PRRX1: variants seen among roughly 807,000 people sequenced by gnomAD.
PRRX1 encodes the protein paired mesoderm homeobox protein 1.
In PRRX1, 8 loss-of-function variants were observed where a neutral mutation model predicts 24.0. The observed-to-expected ratio is 0.33, with a 90% CI of 0.20 to 0.60. PRRX1 has a LOEUF of 0.60. Ranked by LOEUF, PRRX1 falls within the 20% of genes least tolerant of loss-of-function variation. The probability of loss-of-function intolerance (pLI) is 0.82; values close to 1 mark genes in which losing one functional copy is unlikely to be tolerated. For missense variants in PRRX1, 281 were observed against 322.4 expected, an observed-to-expected ratio of 0.87 and a Z score of 0.98; for synonymous variants, 160 against 131.7, an observed-to-expected ratio of 1.22 and a Z score of -1.47.
intron 1 of PRRX1, among the ~76,000 whole-genome samples, chr1:170,703,592 T>C (rs905594182): frequency 1.4e-5 from 2 of 142,942 alleles, no homozygotes; most frequent in African/African-American, 4.9e-5. Flanking sequence ...CATTATATAA[T>C]AGTGTTTTTT....
At chr1:170,667,390 T>C (rs1652976884) in intron 1 of PRRX1, 1 of 152,276 alleles carries the variant, frequency 6.6e-6, no homozygotes, top group African/African-American at 2.4e-5. Flanking sequence ...GAATAGTTTG[T>C]TGCTTTTATA....
chr1:170,738,336 C>G lies in PRRX1; in HGVS notation c.*2150C>G, dbSNP rs550398418. The G allele has an allele frequency of 6.6e-4, 149 of 224,926 alleles. No individual in the cohort carries two copies. In the Middle Eastern group the frequency reaches 0.011, roughly 16 times the overall value. The allele number at this position is 224,926 out of a possible 1,614,324, so 13.9% of individuals were successfully genotyped here. A position where few individuals can be genotyped will look rare whatever the true frequency, so the allele number is the denominator to read the frequency against. Reference sequence around the variant, plus strand: ...CAGCCACCAATCTGAAATTGTATTTCAAATGTTGATTCTGTAGTTCTTTAA... The same window carrying G: ...CAGCCACCAATCTGAAATTGTATTTGAAATGTTGATTCTGTAGTTCTTTAA... On this transcript the variant is annotated 3_prime_UTR_variant, in exon 4 of 4. Transcript: ENST00000239461.
intron 1 of PRRX1, among the ~76,000 whole-genome samples, chr1:170,703,556 T>C (rs922811611): frequency 1.3e-5 from 2 of 152,230 alleles, no homozygotes; most frequent in Non-Finnish European, 2.9e-5. Flanking sequence ...ATTGTCTCTG[T>C]CTTCACAGAG....
chr1:170,674,660 A>T (rs549420570), intron 1 of PRRX1, among the ~76,000 whole-genome samples: 14 of 145,944 alleles, frequency 9.6e-5, no homozygotes, highest in South Asian at 2.2e-4. Flanking sequence ...CAGTAAGCAA[A>T]TTTTTTTTTT....
At chr1:170,697,919 A>C (rs1654227240) in intron 1 of PRRX1, among the ~76,000 whole-genome samples, 1 of 150,654 alleles carries the variant, frequency 6.6e-6, no homozygotes, top group Middle Eastern at 3.2e-3. Context: ...CTTTTGTATT[A>C]TTAAAAGGCC....
In PRRX1 at chr1:170,736,322, G is replaced by T; in HGVS notation, c.*136G>T. ...AAACAAAGCAGAACTAAAATATTGG[G>T]ACCATGGCAGAGAAAAGCAGGAGAG... On this transcript the variant is annotated 3_prime_UTR_variant, in exon 4 of 4. Transcript: ENST00000239461. 1 of 1,244,894 alleles carries T rather than the reference G, an allele frequency of 8.0e-7. No individual in the cohort carries two copies. The highest frequency in any genetic ancestry group is 1.1e-6 in the Non-Finnish European group (1 of 887,986). The allele number at this position is 1,244,894 out of a possible 1,614,324, so 77.1% of individuals were successfully genotyped here.
At position 170,702,119 on chromosome 1, in the gene PRRX1, G is replaced by C. The variant is rs561260282; in HGVS notation, c.242-17607G>C. ...GCAACCTAGATCCCGCGCATGCGCAGTTCACAATAGGGTTTCTACTCGTAT... is the reference window on the plus strand; with the variant it reads ...GCAACCTAGATCCCGCGCATGCGCACTTCACAATAGGGTTTCTACTCGTAT... On this transcript the variant is annotated intron_variant, in intron 1 of 3. Coordinates refer to ENST00000239461, the MANE Select transcript of PRRX1 (RefSeq NM_022716.4). Among the ~76,000 whole-genome samples, 19 of 152,310 alleles carry C rather than the reference G, an allele frequency of 1.2e-4. No homozygotes were observed. In the South Asian group the frequency reaches 3.9e-3, roughly 32 times the overall value.
chr1:170,728,377 T>C (rs1655321514), intron 3 of PRRX1: 1 of 152,236 alleles, frequency 6.6e-6, no homozygotes, highest in Admixed American at 6.5e-5. Context: ...TATGTAGAAA[T>C]ACTGGATACA....
chr1:170,708,939 G>A (rs1282264706), intron 1 of PRRX1, among the ~76,000 whole-genome samples: 2 of 152,120 alleles, frequency 1.3e-5, no homozygotes, highest in Non-Finnish European at 2.9e-5. Flanking sequence ...GTGGCTGAGT[G>A]TGAATGGACC....
intron 1 of PRRX1, among the ~76,000 whole-genome samples, chr1:170,709,692 C>G (rs1310390131): frequency 1.3e-5 from 2 of 152,166 alleles, no homozygotes; most frequent in Non-Finnish European, 2.9e-5. Flanking sequence ...TCTCTCTACT[C>G]AGAGCATCTC....
chr1:170,677,874 C>A (rs1653374895), intron 1 of PRRX1, among the ~76,000 whole-genome samples: 1 of 152,164 alleles, frequency 6.6e-6, no homozygotes, highest in African/African-American at 2.4e-5. Context: ...GAAGACAAAT[C>A]CCCTTTCCTC....
chr1:170,724,496 G>T (rs541740505), intron 2 of PRRX1, among the ~76,000 whole-genome samples: 1 of 152,014 alleles, frequency 6.6e-6, no homozygotes, highest in South Asian at 2.1e-4. Flanking sequence ...TCAGTTTTCC[G>T]CATATGGCTA....
intron 3 of PRRX1, chr1:170,730,299 T>C: frequency 6.2e-7 from 1 of 1,612,172 alleles, no homozygotes; most frequent in Non-Finnish European, 8.5e-7. Flanking sequence ...CCCAAGATGT[T>C]GTTTACACGA....
At chr1:170,687,394 C>T (rs189667557) in intron 1 of PRRX1, among the ~76,000 whole-genome samples, 18 of 152,290 alleles carry the variant, frequency 1.2e-4, no homozygotes, top group Admixed American at 1.2e-3. Flanking sequence ...CTCAGGGATG[C>T]TCCCCAACTT....
chr1:170,702,132 T>G (rs192056601), intron 1 of PRRX1, among the ~76,000 whole-genome samples: 4 of 152,256 alleles, frequency 2.6e-5, no homozygotes, highest in South Asian at 4.2e-4. Flanking sequence ...CACAATAGGG[T>G]TTCTACTCGT....
rs1407027728 is a variant in PRRX1 at position 170,737,089 on chromosome 1, C to T, written c.*903C>T. On this transcript the variant is annotated 3_prime_UTR_variant, in exon 4 of 4. Transcript: ENST00000239461. Reference sequence around the variant, plus strand: ...GAGTGAGTTCTAAAAGGCATGCCCACATCTCTTTCGTGCCTTAAGGATAGT... The same window carrying T: ...GAGTGAGTTCTAAAAGGCATGCCCATATCTCTTTCGTGCCTTAAGGATAGT... The T allele has an allele frequency of 3.9e-5, 7 of 181,072 alleles. No homozygotes were observed. The highest frequency in any genetic ancestry group is 3.9e-4 in the South Asian group (2 of 5,070). The allele number at this position is 181,072 out of a possible 1,614,324, so 11.2% of individuals were successfully genotyped here. A position where few individuals can be genotyped will look rare whatever the true frequency, so the allele number is the denominator to read the frequency against.
chr1:170,682,504 C>T (rs1321599391), intron 1 of PRRX1, among the ~76,000 whole-genome samples: 3 of 152,088 alleles, frequency 2.0e-5, no homozygotes, highest in Non-Finnish European at 2.9e-5. Flanking sequence ...GCACCCCATG[C>T]CCCCATCTCC....
intron 1 of PRRX1, among the ~76,000 whole-genome samples, chr1:170,667,054 G>A (rs548222440): frequency 2.0e-5 from 3 of 152,224 alleles, no homozygotes; most frequent in Admixed American, 2.0e-4. Flanking sequence ...TGTATGTCCC[G>A]GGAGAAGGGG....
intron 1 of PRRX1, among the ~76,000 whole-genome samples, chr1:170,675,199 A>T (rs985257940): frequency 4.6e-5 from 7 of 152,232 alleles, no homozygotes; most frequent in African/African-American, 1.7e-4. Context: ...AGTCCTTCAG[A>T]GTAAACAGCT....
Sources: gnomAD v4.1 joint callset for allele counts (sites outside exome capture counted in the v4.1 genomes callset) on GRCh38, gnomAD v4.1.1 for gene constraint, MANE v1.5 for transcripts, NCBI Gene and HGNC (gene_info 2026-07-23, HGNC 2026-07-21) for gene names.